MSI2: variants seen among roughly 807,000 people sequenced by gnomAD.
MSI2 encodes RNA-binding protein Musashi homolog 2.
A neutral mutation model predicts 45.6 loss-of-function variants in MSI2; 17 were observed. That is an observed-to-expected ratio of 0.37 (90% confidence interval 0.26 to 0.56). The LOEUF is 0.56. Ranked by LOEUF, MSI2 falls within the 20% of genes least tolerant of loss-of-function variation. The pLI is 0.77. For missense variants in MSI2, 293 were observed against 444.2 expected, an observed-to-expected ratio of 0.66 and a Z score of 3.06; for synonymous variants, 156 against 158.2, an observed-to-expected ratio of 0.99 and a Z score of 0.11.
In MSI2 at chr17:57,652,176, G is replaced by A. The variant is rs923071297; in HGVS notation, c.790+15G>A. 2 of 1,613,406 alleles carry A rather than the reference G, an allele frequency of 1.2e-6. No individual in the cohort carries two copies. Among genetic ancestry groups the A allele is most frequent in the Non-Finnish European group, 1.7e-6 (2 of 1,179,474 alleles). ...AAGAGGATCAGGTAGGAAGGTGTAT[G>A]GGACAGGCGACTCCCAGGCATGCCC... On this transcript the variant is annotated intron_variant, in intron 11 of 13. Coordinates refer to ENST00000284073, the MANE Select transcript of MSI2 (RefSeq NM_138962.4). This position sits in a 1 kb window ranked among gnomAD's most constrained non-coding sequence, Gnocchi z 4.1.
At chr17:57,511,029 A>G (rs2086342508) in intron 6 of MSI2, among the ~76,000 whole-genome samples, 1 of 147,980 alleles carries the variant, frequency 6.8e-6, no homozygotes. Flanking sequence ...TGGTGATCAG[A>G]AACTCCAGGG....
chr17:57,502,636 T>TATATATATATAGAGAGAGAG, intron 6 of MSI2, among the ~76,000 whole-genome samples: 1 of 96,904 alleles, frequency 1.0e-5, no homozygotes, highest in Non-Finnish European at 2.1e-5. Flanking sequence ...TATATATATA[T>TATATATATATAGAGAGAGAG]AGTCATCATT....
At chr17:57,649,729 T>C (rs2144679102) in intron 10 of MSI2, among the ~76,000 whole-genome samples, 1 of 152,280 alleles carries the variant, frequency 6.6e-6, no homozygotes, top group Admixed American at 6.5e-5. Flanking sequence ...CTGGTGAGGC[T>C]GGATGGCCTA....
intron 6 of MSI2, among the ~76,000 whole-genome samples, chr17:57,405,798 G>T (rs567346505): frequency 1.3e-5 from 2 of 152,250 alleles, no homozygotes; most frequent in Non-Finnish European, 2.9e-5. Flanking sequence ...TTTACTGTGC[G>T]CTGTTTCTGA....
At chr17:57,502,679 A>T (rs2086142359) in intron 6 of MSI2, among the ~76,000 whole-genome samples, 1 of 139,202 alleles carries the variant, frequency 7.2e-6, no homozygotes, top group African/African-American at 2.6e-5. Context: ...CTCTAGATTT[A>T]AGCCTTCTAG....
chr17:57,689,455 T>TA (rs1309293270), downstream of MSI2, among the ~76,000 whole-genome samples: 23 of 152,318 alleles, frequency 1.5e-4, no homozygotes, highest in African/African-American at 5.1e-4. Flanking sequence ...TGGTTTCATG[T>TA]AAGCGCTAAA....
rs1913117735 is a variant in MSI2 at position 57,675,021 on chromosome 17, A to T, written c.840A>T (p.Gly280=). Residue 280 remains glycine (G), a synonymous_variant, in exon 12 of 14, where the codon GGA becomes GGT. Coordinates refer to ENST00000284073, the MANE Select transcript of MSI2 (RefSeq NM_138962.4). ...GCTTCCCGGGGGCCAACAGCCCAGG[A>T]CCTGTCGCCGATCTCTACGGCCCTG... The part of the protein sequence containing the change: ...PGGFPGANSP[G]PVADLYGPAS... 2 of 1,613,832 alleles carry T rather than the reference A, an allele frequency of 1.2e-6. No homozygotes were observed. Among genetic ancestry groups the T allele is most frequent in the Admixed American group, 1.7e-5 (1 of 60,022 alleles).
intron 5 of MSI2, among the ~76,000 whole-genome samples, chr17:57,318,171 T>C (rs1177982360): frequency 6.7e-6 from 1 of 150,000 alleles, no homozygotes; most frequent in Admixed American, 6.6e-5. Flanking sequence ...AAATGGAAGG[T>C]GGAAGGTGAG....
At chr17:57,257,009 C>G in intron 1 of MSI2, 89 bp from the exon 2 acceptor site, 1 of 1,604,830 alleles carries the variant, frequency 6.2e-7, no homozygotes, top group Non-Finnish European at 8.5e-7. Flanking sequence ...GCTCGCTCCC[C>G]CCCGCTTTCC....
chr17:57,601,153 G>A (rs1402744529), intron 8 of MSI2: 1 of 152,216 alleles, frequency 6.6e-6, no homozygotes, highest in Admixed American at 6.5e-5. Context: ...TGTTCTCCTA[G>A]GAGAAGAGCA....
chr17:57,592,215 A>ATAT (rs971588045), intron 7 of MSI2, among the ~76,000 whole-genome samples: 2 of 151,456 alleles, frequency 1.3e-5, no homozygotes, highest in Non-Finnish European at 2.9e-5. Context: ...TATGTTACGT[A>ATAT]TATTTTACCA....
chr17:57,600,756 AC>A (rs1165212488), intron 8 of MSI2: 3 of 151,986 alleles, frequency 2.0e-5, no homozygotes, highest in Non-Finnish European at 4.4e-5. Flanking sequence ...GCCCAGAAAG[AC>A]CCCACATGAC....
intron 6 of MSI2, among the ~76,000 whole-genome samples, chr17:57,496,135 C>G (rs998678174): frequency 1.3e-5 from 2 of 152,120 alleles, no homozygotes; most frequent in Non-Finnish European, 2.9e-5. Flanking sequence ...TAATTATTGT[C>G]GCTTGTGTCA....
At chr17:57,408,697 A>T (rs1452252167) in intron 6 of MSI2, among the ~76,000 whole-genome samples, 1 of 152,120 alleles carries the variant, frequency 6.6e-6, no homozygotes, top group Non-Finnish European at 1.5e-5. Flanking sequence ...AGTAGGAGAA[A>T]ATAAAGCCTT....
intron 5 of MSI2, among the ~76,000 whole-genome samples, chr17:57,275,042 G>C (rs1226371301): frequency 6.6e-6 from 1 of 152,208 alleles, no homozygotes; most frequent in South Asian, 2.1e-4. Context: ...GATACAAAGT[G>C]TTCTGTTCTT....
Position 57,401,386 on chromosome 17 carries a change from C to T in MSI2, c.320C>T (p.Thr107Ile). The T allele has an allele frequency of 6.2e-7, 1 of 1,613,960 alleles. No homozygotes were observed. Among genetic ancestry groups the T allele is most frequent in the Non-Finnish European group, 8.5e-7 (1 of 1,179,832 alleles). Reference sequence around the variant, plus strand: ...TCTTGTCATTTCTTGCAGATGGTCACAAGAACAAAGAAAATATTTGTAGGC... The same window carrying T: ...TCTTGTCATTTCTTGCAGATGGTCATAAGAACAAAGAAAATATTTGTAGGC... ...FPRRAQPKMV[T>I]RTKKIFVGGL... The change falls in exon 6 of 14, where the codon ACA becomes ATA. Residue 107 changes from threonine (T) to isoleucine (I), a missense_variant. By Grantham distance (89) the Thr-to-Ile change is moderately conservative (BLOSUM62 -1). Transcript: ENST00000284073.
chr17:57,578,993 C>A (rs2088127154), intron 7 of MSI2, among the ~76,000 whole-genome samples: 1 of 152,076 alleles, frequency 6.6e-6, no homozygotes, highest in Admixed American at 6.6e-5. Context: ...AGTCTTAACA[C>A]CAGGCTGGGT....
chr17:57,318,671 G>C (rs1913073035), intron 5 of MSI2, among the ~76,000 whole-genome samples: 1 of 152,128 alleles, frequency 6.6e-6, no homozygotes, highest in Non-Finnish European at 1.5e-5. Context: ...GGGTCCCGGG[G>C]AGAAAAGGTA....
At chr17:57,349,902 G>A (rs1451454764) in intron 5 of MSI2, among the ~76,000 whole-genome samples, 6 of 152,188 alleles carry the variant, frequency 3.9e-5, no homozygotes, top group Admixed American at 1.3e-4. Flanking sequence ...GGGAAGCCAA[G>A]AAATAATTTT....
Sources: allele counts gnomAD v4.1 joint callset (sites outside exome capture counted in the v4.1 genomes callset), GRCh38; gene constraint gnomAD v4.1.1; non-coding constraint Gnocchi (gnomAD v3.1); transcripts MANE v1.5; gene names NCBI Gene and HGNC (gene_info 2026-07-23, HGNC 2026-07-21).